The following CDC42BPB variants were observed in gnomAD, a reference collection of about 807,000 sequenced individuals.
The protein encoded by CDC42BPB is serine/threonine-protein kinase MRCK beta.
CDC42BPB carries 37 observed loss-of-function variants against 214.9 expected under a neutral mutation model. The observed-to-expected ratio is 0.17, with a 90% CI of 0.13 to 0.23. The LOEUF (loss-of-function observed/expected upper bound fraction) is 0.23. CDC42BPB is among the 10% of genes least tolerant of loss of function. The pLI is 1.00. For missense variants in CDC42BPB, 1,694 were observed against 2,227.0 expected (o/e 0.76, Z 4.82); for synonymous variants, 931 against 884.0 (o/e 1.05, Z -0.94).
chr14:102,934,132 C>T, intron 36 of CDC42BPB: 2 of 735,246 alleles, frequency 2.7e-6, no homozygotes, highest in Non-Finnish European at 3.6e-6. Flanking sequence ...CGCAGTGGCT[C>T]CTGCCTGTAA....
intron 36 of CDC42BPB, chr14:102,934,085 C>G: frequency 8.2e-7 from 1 of 1,217,030 alleles, no homozygotes; most frequent in Non-Finnish European, 1.1e-6. Flanking sequence ...TTACAAAAGA[C>G]AGCAACTCTG....
At position 102,947,344 on chromosome 14, in the gene CDC42BPB, C is replaced by T. The variant is rs892279529; in HGVS notation, c.3531+377G>A. 2.5e-4 allele frequency among the ~76,000 whole-genome samples: 38 copies of T among 152,310 alleles called. 1 individual carries two copies. Among genetic ancestry groups the T allele is most frequent in the East Asian group, 1.5e-3 (8 of 5,190 alleles). On this transcript the variant is annotated intron_variant, in intron 27 of 36. Coordinates refer to ENST00000361246, the MANE Select transcript of CDC42BPB (RefSeq NM_006035.4). The stretch of plus-strand genomic sequence containing the variant: ...GGAGCACTCACTCAGTCAACAAAAA[C>T]GCTGGCTCCAATTGGCTGGGGGGCA...
chr14:103,003,784 GA>G, intron 4 of CDC42BPB, 143 bp downstream of exon 4: 1 of 549,826 alleles, frequency 1.8e-6, no homozygotes, highest in Non-Finnish European at 3.1e-6. Flanking sequence ...ATTACTGCAT[GA>G]AAACAAGCCC....
chr14:102,954,505 G>A, intron 22 of CDC42BPB, 97 bp downstream of exon 22: 3 of 1,393,034 alleles, frequency 2.2e-6, no homozygotes, highest in Non-Finnish European at 9.7e-7. Context: ...GGCCCTCGCT[G>A]CAAACTGTTA....
chr14:102,963,765 A>C (rs1441876072), intron 19 of CDC42BPB, among the ~76,000 whole-genome samples: 2 of 152,234 alleles, frequency 1.3e-5, no homozygotes, highest in African/African-American at 4.8e-5. Context: ...ATTTAACAAC[A>C]GAACAGTCTT....
At chr14:102,987,834 C>T (rs1164491283) in intron 5 of CDC42BPB, among the ~76,000 whole-genome samples, 1 of 147,048 alleles carries the variant, frequency 6.8e-6, no homozygotes, top group African/African-American at 2.5e-5. Flanking sequence ...CGGCCAGGTG[C>T]AGTGGCTCAC....
rs1892758139 is a variant in CDC42BPB, at chr14:102,957,361, A to C, written c.2901+2270T>G. 1.3e-5 allele frequency among the ~76,000 whole-genome samples: 2 copies of C among 152,118 alleles called. 1 individual carries two copies. Among genetic ancestry groups the C allele is most frequent in the Admixed American group, 1.3e-4 (2 of 15,260 alleles). On this transcript the variant is annotated intron_variant, in intron 21 of 36. Transcript: ENST00000361246. ...CACTCATGGACAGTACTGGCTGTAA[A>C]CTCACTTGCTACCGGGCCCTCTACT...
In CDC42BPB at chr14:102,983,572, T is replaced by C; in HGVS notation, c.875A>G (p.Lys292Arg). ...ACGTCTTACTTCATGGTTCATGATC[T>C]TCCCATAGGTCTCCACGAGTGACTC... ...YAESLVETYG[K>R]IMNHEERFQF... The change falls in exon 7 of 37, where the codon AAG becomes AGG. Residue 292 changes from lysine to arginine, a missense_variant. This residue lies in a region of CDC42BPB where 225 missense variants were observed against 459.3 expected (regional missense o/e 0.49). Coordinates refer to ENST00000361246, the MANE Select transcript of CDC42BPB (RefSeq NM_006035.4). 6.2e-7 allele frequency: 1 copy of C among 1,605,140 alleles called. No homozygotes were observed. Among genetic ancestry groups the C allele is most frequent in the Non-Finnish European group, 8.5e-7 (1 of 1,179,838 alleles).
In CDC42BPB at chr14:102,980,759, G is replaced by A; in HGVS notation, c.1140+14C>T. On this transcript the variant is annotated intron_variant, in intron 8 of 36. Coordinates refer to ENST00000361246, the MANE Select transcript of CDC42BPB (RefSeq NM_006035.4). ...CACAGCCAGCAACCCTGAGAACGGT[G>A]CTTTCACACTCACCGTGTTTCTCAG... 2.5e-6 allele frequency: 4 copies of A among 1,613,496 alleles called. No individual in the cohort carries two copies. Among genetic ancestry groups the A allele is most frequent in the Non-Finnish European group, 3.4e-6 (4 of 1,179,494 alleles).
chr14:103,051,665 C>T (rs892219018), intron 1 of CDC42BPB, among the ~76,000 whole-genome samples: 1 of 152,240 alleles, frequency 6.6e-6, no homozygotes, highest in Non-Finnish European at 1.5e-5. Flanking sequence ...AATTTACATG[C>T]ATTTGAGTAT....
chr14:103,037,752 C>T (rs186592319), intron 1 of CDC42BPB, among the ~76,000 whole-genome samples: 116 of 152,118 alleles, frequency 7.6e-4, no homozygotes, highest in African/African-American at 1.4e-3. Flanking sequence ...AATTTTAGGC[C>T]GGGCGTGGTG....
intron 36 of CDC42BPB, 199 bp from the exon 37 acceptor site, chr14:102,934,042 T>G: frequency 7.4e-7 from 1 of 1,343,728 alleles, no homozygotes; most frequent in Non-Finnish European, 9.5e-7. Context: ...AATTGATGTC[T>G]AATCCCACTC....
intron 6 of CDC42BPB, among the ~76,000 whole-genome samples, chr14:102,985,461 AG>A (rs1242675221): frequency 6.6e-6 from 1 of 152,176 alleles, no homozygotes; most frequent in Non-Finnish European, 1.5e-5. Flanking sequence ...GGAGGTGTGG[AG>A]GGTAACCCAT....
intron 14 of CDC42BPB, 119 bp from the exon 15 acceptor site, chr14:102,968,835 G>T (rs965538286): frequency 1.6e-5 from 25 of 1,515,166 alleles, no homozygotes; most frequent in Middle Eastern, 4.9e-4. Context: ...GTGTGTGCCT[G>T]GTCTACACCA....
intron 19 of CDC42BPB, 124 bp downstream of exon 19, chr14:102,964,378 G>A: frequency 2.6e-6 from 3 of 1,164,634 alleles, no homozygotes; most frequent in South Asian, 2.9e-5. Context: ...GCCTCCTAAG[G>A]CTCCAGCAAA....
intron 20 of CDC42BPB, among the ~76,000 whole-genome samples, chr14:102,960,495 G>T (rs1371033781): frequency 1.3e-5 from 2 of 152,140 alleles, no homozygotes; most frequent in African/African-American, 4.8e-5. Flanking sequence ...GGTGGCATGT[G>T]CCTGTGGTCC....
rs953760594 is a variant in CDC42BPB at position 103,004,756 on chromosome 14, C to T, written c.352-733G>A. On this transcript the variant is annotated intron_variant, in intron 3 of 36. Transcript: ENST00000361246. The surrounding 1 kb of genome is among the most constrained non-coding windows in gnomAD (Gnocchi z 5.3). ...TGGTGGCAGGTGCCTGTAATCCCAG[C>T]TACATGGGAGGCTGAGGGGGGAGAA... is the stretch of plus-strand genomic sequence containing the variant. 1.3e-5 allele frequency among the ~76,000 whole-genome samples: 2 copies of T among 152,018 alleles called. No individual in the cohort carries two copies. The highest frequency in any genetic ancestry group is 1.5e-5 in the Non-Finnish European group (1 of 67,986).
chr14:102,955,461 T>C (rs1449381319), intron 21 of CDC42BPB, among the ~76,000 whole-genome samples: 1 of 152,176 alleles, frequency 6.6e-6, no homozygotes, highest in Non-Finnish European at 1.5e-5. Flanking sequence ...GCCAAATGCT[T>C]CTTAACCTCA....
chr14:102,956,942 G>A (rs1023682599), intron 21 of CDC42BPB, among the ~76,000 whole-genome samples: 1 of 150,766 alleles, frequency 6.6e-6, no homozygotes, highest in Non-Finnish European at 1.5e-5. Context: ...ACTTTGGGAG[G>A]CTGAGGTGGG....
Sources: allele counts gnomAD v4.1 joint callset (sites outside exome capture counted in the v4.1 genomes callset), GRCh38; gene constraint gnomAD v4.1.1; regional missense constraint gnomAD v4.1.1; non-coding constraint Gnocchi (gnomAD v3.1); transcripts MANE v1.5; gene names NCBI Gene and HGNC (gene_info 2026-07-23, HGNC 2026-07-21).